The following NEGR1 variants were observed in gnomAD, a reference collection of about 807,000 sequenced individuals.
The protein encoded by NEGR1 is IgLON family member 4.
In NEGR1, 10 loss-of-function variants were observed where a neutral mutation model predicts 40.9. The ratio of observed to expected loss-of-function variants is 0.24; its 90% CI spans 0.15 to 0.42. The LOEUF (loss-of-function observed/expected upper bound fraction) is 0.42, where lower values mean the gene tolerates loss of function less well. Among genes scored for constraint, NEGR1 ranks in the 10% least tolerant of loss-of-function variants. The pLI is 1.00. For missense variants in NEGR1, 352 were observed against 438.9 expected (o/e 0.80, Z 1.77); for synonymous variants, 185 against 166.8 (o/e 1.11, Z -0.84).
At chr1:71,965,612 C>T (rs75632105) in intron 1 of NEGR1, among the ~76,000 whole-genome samples, 4 of 152,246 alleles carry the variant, frequency 2.6e-5, no homozygotes, top group East Asian at 1.9e-4. Flanking sequence ...AACTGGTTTG[C>T]ACCTCTACCA....
At chr1:72,150,760 CTA>C (rs1570045425) in intron 1 of NEGR1, among the ~76,000 whole-genome samples, 2 of 151,972 alleles carry the variant, frequency 1.3e-5, no homozygotes, top group East Asian at 3.8e-4. Flanking sequence ...ATATTACAGT[CTA>C]TAATATGAGA....
At chr1:72,202,828 C>T (rs571080589) in intron 1 of NEGR1, among the ~76,000 whole-genome samples, 6 of 152,034 alleles carry the variant, frequency 3.9e-5, no homozygotes, top group South Asian at 2.1e-4. Flanking sequence ...ATTTATCATT[C>T]TGAAAATTTT....
rs551297752 is a variant in NEGR1 at position 71,808,494 on chromosome 1, G to A, written c.410-32197C>T. Among the ~76,000 whole-genome samples, 40 of 152,210 alleles carry A rather than the reference G, an allele frequency of 2.6e-4. 1 individual carries two copies. The South Asian group carries it at 8.3e-3, about 32-fold the overall frequency. ...AGATGAAGTAAGCCTGAGAAGAGAG[G>A]TTAGGGAGCCTGTCAGTCACACAGC... On this transcript the variant is annotated intron_variant, in intron 2 of 6. Coordinates refer to ENST00000357731, the MANE Select transcript of NEGR1 (RefSeq NM_173808.3).
chr1:71,520,039 A>G (rs547976430), intron 6 of NEGR1, among the ~76,000 whole-genome samples: 180 of 152,152 alleles, frequency 1.2e-3, no homozygotes, highest in Non-Finnish European at 2.3e-3. Context: ...TTTTTCACAG[A>G]ATTTGTGGGT....
At chr1:72,016,710 G>T (rs935166057) in intron 1 of NEGR1, among the ~76,000 whole-genome samples, 1 of 152,118 alleles carries the variant, frequency 6.6e-6, no homozygotes, top group Non-Finnish European at 1.5e-5. Flanking sequence ...AGGTGTTTAG[G>T]TTCACTCTAA....
At chr1:72,076,796 T>C (rs1005107864) in intron 1 of NEGR1, among the ~76,000 whole-genome samples, 3 of 151,932 alleles carry the variant, frequency 2.0e-5, no homozygotes, top group South Asian at 2.1e-4. Context: ...TAATACATTA[T>C]ATAACAAAGT....
chr1:72,013,435 G>T (rs556105038), intron 1 of NEGR1, among the ~76,000 whole-genome samples: 2 of 152,198 alleles, frequency 1.3e-5, no homozygotes, highest in South Asian at 2.1e-4. Context: ...AGAACTTGAG[G>T]CTGCTTCTAA....
At chr1:71,544,463 A>G (rs183417094) in intron 6 of NEGR1, among the ~76,000 whole-genome samples, 102 of 151,798 alleles carry the variant, frequency 6.7e-4, no homozygotes, top group Non-Finnish European at 1.2e-3. Flanking sequence ...TAAATTAAAT[A>G]CTTTCTCTGG....
chr1:71,814,947 G>C (rs1024536647), intron 2 of NEGR1, among the ~76,000 whole-genome samples: 1 of 151,998 alleles, frequency 6.6e-6, no homozygotes, highest in Non-Finnish European at 1.5e-5. Flanking sequence ...TCTTCTGCTA[G>C]CTTTGAAGTT....
At chr1:71,795,784 T>G (rs1468705198) in intron 2 of NEGR1, among the ~76,000 whole-genome samples, 1 of 152,166 alleles carries the variant, frequency 6.6e-6, no homozygotes. Flanking sequence ...TTGTGCAGTA[T>G]GAAATTATGA....
intron 1 of NEGR1, among the ~76,000 whole-genome samples, chr1:72,095,327 G>GTCA (rs1474774242): frequency 6.6e-6 from 1 of 151,974 alleles, no homozygotes; most frequent in Admixed American, 6.6e-5. Context: ...TGAGAGTACA[G>GTCA]TCATATTTTC....
intron 2 of NEGR1, 54 bp downstream of exon 2, chr1:71,935,024 AT>A: frequency 9.8e-7 from 1 of 1,020,650 alleles, no homozygotes; most frequent in Non-Finnish European, 1.5e-6. Context: ...ATACCTAAAT[AT>A]TAAATATTTC....
chr1:72,058,499 T>C (rs879694106), intron 1 of NEGR1, among the ~76,000 whole-genome samples: 5 of 151,608 alleles, frequency 3.3e-5, no homozygotes, highest in Middle Eastern at 3.2e-3. Context: ...ATTTTGAAAA[T>C]GGTGAAGAGG....
chr1:71,642,406 A>G (rs1212765352), intron 4 of NEGR1, among the ~76,000 whole-genome samples: 1 of 151,930 alleles, frequency 6.6e-6, no homozygotes, highest in Non-Finnish European at 1.5e-5. Context: ...GGACAGAAAG[A>G]GAAGAAGAAA....
At chr1:71,724,245 T>C (rs1245899893) in intron 3 of NEGR1, among the ~76,000 whole-genome samples, 2 of 152,154 alleles carry the variant, frequency 1.3e-5, no homozygotes, top group East Asian at 3.9e-4. Context: ...TGCAATTTAA[T>C]CTACCTTTAA....
At chr1:71,473,877 A>C (rs1646800678) in intron 6 of NEGR1, among the ~76,000 whole-genome samples, 1 of 152,120 alleles carries the variant, frequency 6.6e-6, no homozygotes, top group Non-Finnish European at 1.5e-5. Flanking sequence ...GTCAGAAATG[A>C]AAACACATCC....
chr1:71,799,001 C>T (rs1657446842), intron 2 of NEGR1, among the ~76,000 whole-genome samples: 1 of 151,496 alleles, frequency 6.6e-6, no homozygotes, highest in South Asian at 2.1e-4. Flanking sequence ...GACTGTGAGC[C>T]TTGAGCCTTT....
intron 6 of NEGR1, among the ~76,000 whole-genome samples, chr1:71,545,004 C>T (rs1647840362): frequency 6.6e-6 from 1 of 151,682 alleles, no homozygotes; most frequent in African/African-American, 2.4e-5. Flanking sequence ...TGATTGGCTG[C>T]TGGCTTAATG....
intron 1 of NEGR1, among the ~76,000 whole-genome samples, chr1:71,962,859 C>G (rs1051572907): frequency 2.0e-5 from 3 of 151,224 alleles, no homozygotes; most frequent in Non-Finnish European, 3.0e-5. Context: ...TGTTCTCAAC[C>G]CTGAATGGAC....
Sources: allele counts gnomAD v4.1 joint callset (sites outside exome capture counted in the v4.1 genomes callset), GRCh38; gene constraint gnomAD v4.1.1; transcripts MANE v1.5; gene names NCBI Gene and HGNC (gene_info 2026-07-23, HGNC 2026-07-21).